The following EXOC5 variants were observed in gnomAD, a reference collection of about 807,000 sequenced individuals.
EXOC5 encodes the protein exocyst complex component 5.
EXOC5 carries 17 observed loss-of-function variants against 90.8 expected under a neutral mutation model. That is an observed-to-expected ratio of 0.19 (90% CI 0.13 to 0.28). The LOEUF is 0.28. EXOC5 is among the 10% of genes least tolerant of loss of function. EXOC5 has a pLI of 1.00. For synonymous variants in EXOC5, 260 were observed against 270.0 expected, an observed-to-expected ratio of 0.96 and a Z score of 0.36; for missense variants, 569 against 830.6, an observed-to-expected ratio of 0.69 and a Z score of 3.87.
chr14:57,235,969 C>T (rs3736904), intron 6 of EXOC5, 149 bp from the exon 7 acceptor site: 70,967 of 578,342 alleles, frequency 0.12, 14,850 homozygotes, highest in African/African-American at 0.71. Context: ...GCCGTGAACC[C>T]AGCCCCTGTA....
chr14:57,251,080 T>C (rs1327944452), intron 1 of EXOC5, among the ~76,000 whole-genome samples: 1 of 152,202 alleles, frequency 6.6e-6, no homozygotes, highest in Non-Finnish European at 1.5e-5. Context: ...AATCTTTCTA[T>C]TTTGGAACTC....
At chr14:57,232,215 A>G (rs1296091301) in intron 10 of EXOC5, 1 of 154,768 alleles carries the variant, frequency 6.5e-6, no homozygotes, top group Non-Finnish European at 1.4e-5. Context: ...AAATGAAGAC[A>G]CTGAAGAAGA....
At chr14:57,267,566 TACTC>T (rs960683976) in intron 1 of EXOC5, among the ~76,000 whole-genome samples, 2 of 152,232 alleles carry the variant, frequency 1.3e-5, no homozygotes, top group African/African-American at 2.4e-5. Context: ...ACACTTTTGT[TACTC>T]AATGTGAAAC....
chr14:57,243,964 C>A, intron 4 of EXOC5: 1 of 426,024 alleles, frequency 2.3e-6, no homozygotes, highest in Non-Finnish European at 4.1e-6. Flanking sequence ...GCCAGGAAAC[C>A]CAATTAAACA....
chr14:57,252,762 T>C (rs528024039), intron 1 of EXOC5, among the ~76,000 whole-genome samples: 3 of 152,226 alleles, frequency 2.0e-5, no homozygotes, highest in South Asian at 4.1e-4. Context: ...AATACCATAA[T>C]GATCCAGCAA....
rs1177256259 is a variant in EXOC5 at position 57,202,435 on chromosome 14, T to C, written c.*6174A>G. ...CTGAAGCATTCTTTCTTCTTGGAAA[T>C]ACAAAAGTATTGGAGGGTGGTGCAG... On this transcript the variant is annotated 3_prime_UTR_variant, in exon 18 of 18. Coordinates refer to ENST00000621441, the MANE Select transcript of EXOC5 (RefSeq NM_006544.4). 4 of 152,212 alleles carry C rather than the reference T, an allele frequency of 2.6e-5. No individual in the cohort carries two copies. Among genetic ancestry groups the C allele is most frequent in the Non-Finnish European group, 4.4e-5 (3 of 68,028 alleles). The allele number at this position is 152,212 out of a possible 1,614,324, so 9.4% of individuals were successfully genotyped here.
At chr14:57,268,421 C>T in intron 1 of EXOC5, 1 of 1,425,224 alleles carries the variant, frequency 7.0e-7, no homozygotes, top group Non-Finnish European at 9.3e-7. Flanking sequence ...GGCCGCCCAG[C>T]CCACCTCGGC....
chr14:57,245,068 A>G (rs1170898019), intron 3 of EXOC5, among the ~76,000 whole-genome samples: 1 of 152,172 alleles, frequency 6.6e-6, no homozygotes, highest in African/African-American at 2.4e-5. Flanking sequence ...ATGTTTATAT[A>G]TAAAGTAAAA....
At chr14:57,257,190 T>G (rs1361798097) in intron 1 of EXOC5, among the ~76,000 whole-genome samples, 1 of 152,140 alleles carries the variant, frequency 6.6e-6, no homozygotes, top group Non-Finnish European at 1.5e-5. Context: ...AATAAAAGAT[T>G]ACTCATTGAG....
chr14:57,240,887 C>T (rs1300585220), intron 4 of EXOC5, among the ~76,000 whole-genome samples: 2 of 151,964 alleles, frequency 1.3e-5, no homozygotes, highest in Non-Finnish European at 2.9e-5. Context: ...GAGTCTTGCT[C>T]GGTCACTCAG....
chr14:57,249,936 C>T (rs561532673), intron 1 of EXOC5, among the ~76,000 whole-genome samples: 6 of 151,988 alleles, frequency 3.9e-5, no homozygotes, highest in African/African-American at 9.7e-5. Flanking sequence ...CTATGCTTGG[C>T]TAATTTTGTA....
chr14:57,225,606 C>T (rs1284428441), intron 12 of EXOC5, among the ~76,000 whole-genome samples: 1 of 145,130 alleles, frequency 6.9e-6, no homozygotes, highest in Non-Finnish European at 1.5e-5. Context: ...AAAAAAAAGG[C>T]AAATAGAACT....
rs939638382 is a variant in EXOC5, at chr14:57,201,763, T to TA, written c.*6845dup. The TA allele has an allele frequency of 1.1e-4, 17 of 151,660 alleles. No individual in the cohort carries two copies. The highest frequency in any genetic ancestry group is 1.5e-5 in the Non-Finnish European group (1 of 67,966). 9.4% of individuals were successfully genotyped at this position (151,660 alleles called of 1,614,324 possible). Reference sequence around the variant, plus strand: ...GGCCAGGCATGGTGGCATGTGCCTGTAGTCCTAGCTACTTGGGAGGCTGAG... The same window carrying TA: ...GGCCAGGCATGGTGGCATGTGCCTGTAAGTCCTAGCTACTTGGGAGGCTGAG... On this transcript the variant is annotated 3_prime_UTR_variant, in exon 18 of 18. Coordinates refer to ENST00000621441, the MANE Select transcript of EXOC5 (RefSeq NM_006544.4).
At chr14:57,227,304 A>G (rs912016107) in intron 12 of EXOC5, among the ~76,000 whole-genome samples, 5 of 152,208 alleles carry the variant, frequency 3.3e-5, no homozygotes, top group African/African-American at 9.6e-5. Context: ...CATATGATTC[A>G]GTCATATCAA....
chr14:57,242,191 G>A (rs1000491889), intron 4 of EXOC5, among the ~76,000 whole-genome samples: 3 of 150,688 alleles, frequency 2.0e-5, no homozygotes, highest in Admixed American at 1.3e-4. Context: ...TGTAAGGACA[G>A]AGGTAAACAC....
intron 5 of EXOC5, among the ~76,000 whole-genome samples, chr14:57,238,217 T>TACAC: frequency 1.7e-5 from 1 of 60,374 alleles, no homozygotes; most frequent in African/African-American, 5.9e-5. Flanking sequence ...CAACTCCACA[T>TACAC]ATATATACAC....
intron 1 of EXOC5, chr14:57,268,194 G>A (rs562645353): frequency 3.6e-5 from 8 of 223,038 alleles, no homozygotes; most frequent in African/African-American, 1.9e-4. Context: ...CCGATCTCAA[G>A]TGGCTTCCTC....
intron 5 of EXOC5, 198 bp from the exon 6 acceptor site, chr14:57,237,564 G>C (rs1430181189): frequency 4.3e-6 from 2 of 463,482 alleles, no homozygotes; most frequent in Non-Finnish European, 7.8e-6. Context: ...AATCAGAGGA[G>C]AGAATTCTGA....
Position 57,208,565 on chromosome 14 carries a change from C to CCTCTGTAAAGGAACTGACA in EXOC5, c.*25_*43dup, listed in dbSNP as rs769217975. ...GAGGGCTGCTGAAGTATAAGACATT[C>CCTCTGTAAAGGAACTGACA]CTCTGTAAAGGAACTGACACTGAAT... is the stretch of plus-strand genomic sequence containing the variant. On this transcript the variant is annotated 3_prime_UTR_variant, in exon 18 of 18. Coordinates refer to ENST00000621441, the MANE Select transcript of EXOC5 (RefSeq NM_006544.4). The CCTCTGTAAAGGAACTGACA allele has an allele frequency of 6.8e-7, 1 of 1,462,418 alleles. No individual in the cohort carries two copies. Among genetic ancestry groups the CCTCTGTAAAGGAACTGACA allele is most frequent in the African/African-American group, 1.4e-5 (1 of 72,140 alleles). 90.6% of individuals were successfully genotyped at this position (1,462,418 alleles called of 1,614,324 possible). A position where few individuals can be genotyped will look rare whatever the true frequency, so the allele number is the denominator to read the frequency against.
Sources: allele counts gnomAD v4.1 joint callset (sites outside exome capture counted in the v4.1 genomes callset), GRCh38; gene constraint gnomAD v4.1.1; transcripts MANE v1.5; gene names NCBI Gene and HGNC (gene_info 2026-07-23, HGNC 2026-07-21).